RNF216: variants seen among roughly 807,000 people sequenced by gnomAD.
RNF216 encodes the protein E3 ubiquitin-protein ligase RNF216.
In RNF216, 72 loss-of-function variants were observed where a neutral mutation model predicts 110.8. The observed-to-expected ratio is 0.65, with a 90% CI of 0.54 to 0.79. RNF216 has a LOEUF of 0.79. RNF216 is among the 30% of genes least tolerant of loss of function. The pLI is 0.00. For synonymous variants in RNF216, 495 were observed against 407.5 expected (o/e 1.21, Z -2.59); for missense variants, 1,342 against 1,141.2 (o/e 1.18, Z -2.54).
intron 14 of RNF216, among the ~76,000 whole-genome samples, chr7:5,644,245 T>C (rs370240192): frequency 3.9e-5 from 6 of 152,188 alleles, no homozygotes; most frequent in South Asian, 2.1e-4. Flanking sequence ...GTTTAACTTA[T>C]TGGGGAAAGC....
At chr7:5,709,693 T>C (rs990608177) in intron 13 of RNF216, among the ~76,000 whole-genome samples, 1 of 152,198 alleles carries the variant, frequency 6.6e-6, no homozygotes, top group African/African-American at 2.4e-5. Context: ...CCCACCAACA[T>C]GCCAAGTTGA....
At position 5,702,886 on chromosome 7, in the gene RNF216, T is replaced by C. The variant is rs190874001; in HGVS notation, c.2061+8875A>G. Among the ~76,000 whole-genome samples the C allele has an allele frequency of 2.6e-5, 4 of 152,340 alleles. No homozygotes were observed. The East Asian group carries it at 5.8e-4, about 22-fold the overall frequency. ...ATGGTGTCTGCGACCCACTCAGCTC[T>C]GCCATTTACCATCACCTGACTTTAA... On this transcript the variant is annotated intron_variant, in intron 13 of 16. Transcript: ENST00000389902.
At chr7:5,706,808 CT>C (rs1792320001) in intron 13 of RNF216, among the ~76,000 whole-genome samples, 1 of 152,116 alleles carries the variant, frequency 6.6e-6, no homozygotes, top group Non-Finnish European at 1.5e-5. Context: ...CTTTTGTCAC[CT>C]TGTTTTTGGT....
intron 13 of RNF216, among the ~76,000 whole-genome samples, chr7:5,657,592 TG>T (rs2128581771): frequency 6.6e-6 from 1 of 151,264 alleles, no homozygotes; most frequent in African/African-American, 2.4e-5. Flanking sequence ...TAAAATAAAA[TG>T]GTGAGACTAT....
At chr7:5,758,951 C>T (rs556559838) in intron 2 of RNF216, among the ~76,000 whole-genome samples, 6 of 152,252 alleles carry the variant, frequency 3.9e-5, no homozygotes, top group African/African-American at 1.4e-4. Context: ...ATCTGTGTCC[C>T]TGCCCAAATT....
At chr7:5,698,414 C>T (rs1159897271) in intron 13 of RNF216, among the ~76,000 whole-genome samples, 2 of 147,252 alleles carry the variant, frequency 1.4e-5, no homozygotes, top group Admixed American at 1.3e-4. Context: ...CACACACACA[C>T]ATACACACAC....
At chr7:5,730,151 A>ATTACCCATTACC (rs1794004197) in intron 6 of RNF216, among the ~76,000 whole-genome samples, 1 of 152,250 alleles carries the variant, frequency 6.6e-6, no homozygotes, top group Non-Finnish European at 1.5e-5. Flanking sequence ...CACTCTGGGT[A>ATTACCCATTACC]ATGACCTGCA....
At chr7:5,691,147 G>A (rs536947715) in intron 13 of RNF216, among the ~76,000 whole-genome samples, 1 of 151,956 alleles carries the variant, frequency 6.6e-6, no homozygotes, top group African/African-American at 2.4e-5. Context: ...GTGTGTAGAC[G>A]GTGAGCCTGG....
At chr7:5,672,093 G>C (rs1789958023) in intron 13 of RNF216, among the ~76,000 whole-genome samples, 1 of 152,246 alleles carries the variant, frequency 6.6e-6, no homozygotes, top group African/African-American at 2.4e-5. Context: ...GATCAGAGAA[G>C]TTCCCGCCCC....
Position 5,731,358 on chromosome 7 carries a change from G to GA in RNF216, c.1122-542_1122-541insT, listed in dbSNP as rs1794079046. On this transcript the variant is annotated intron_variant, in intron 5 of 16. Coordinates refer to ENST00000389902, the MANE Select transcript of RNF216 (RefSeq NM_207111.4). ...TCTATGAGCCATTGAGTTACACGTGGTTTATTTAGCTAGCTGCCAAGCTAG... is the reference window on the plus strand; with the variant it reads ...TCTATGAGCCATTGAGTTACACGTGGATTTATTTAGCTAGCTGCCAAGCTAG... 1.1e-3 allele frequency among the ~76,000 whole-genome samples: 164 copies of GA among 152,028 alleles called. 2 individuals are homozygous for GA. Among genetic ancestry groups the GA allele is most frequent in the African/African-American group, 3.8e-3 (155 of 41,270 alleles).
chr7:5,641,855 T>C (rs1454785231), intron 14 of RNF216, among the ~76,000 whole-genome samples: 2 of 151,472 alleles, frequency 1.3e-5, no homozygotes, highest in East Asian at 3.9e-4. Context: ...ACCAACATGG[T>C]GAAACTGTCT....
chr7:5,704,614 A>G (rs1271590315), intron 13 of RNF216, among the ~76,000 whole-genome samples: 1 of 152,196 alleles, frequency 6.6e-6, no homozygotes, highest in Non-Finnish European at 1.5e-5. Flanking sequence ...CAAACACCCA[A>G]GAGGAAGAAA....
Position 5,725,317 on chromosome 7 carries a change from G to A in RNF216, c.1504+7C>T, listed in dbSNP as rs377133944. The A allele has an allele frequency of 3.4e-5, 51 of 1,498,402 alleles. No homozygotes were observed. The African/African-American group carries it at 6.8e-4, about 20-fold the overall frequency. 92.8% of individuals were successfully genotyped at this position (1,498,402 alleles called of 1,614,324 possible). On this transcript the variant is annotated splice_region_variant and intron_variant, in intron 8 of 16. Coordinates refer to ENST00000389902, the MANE Select transcript of RNF216 (RefSeq NM_207111.4). ...CTACACACTGCCACCAACACAGTTT[G>A]CATTACCTTGTTCAAACTTGAAATC...
intron 1 of RNF216, among the ~76,000 whole-genome samples, chr7:5,762,124 T>C (rs1190497234): frequency 6.6e-6 from 1 of 152,192 alleles, no homozygotes; most frequent in Admixed American, 6.5e-5. Context: ...ATAAAATTCA[T>C]ATGATACAAC....
intron 15 of RNF216, among the ~76,000 whole-genome samples, chr7:5,625,567 G>C (rs1218242874): frequency 6.6e-6 from 1 of 152,310 alleles, no homozygotes; most frequent in African/African-American, 2.4e-5. Flanking sequence ...TACTTACTAG[G>C]TTATTAATGT....
chr7:5,753,035 C>CT lies in RNF216; in HGVS notation c.68-57dup, dbSNP rs544170066. 3.2e-6 allele frequency: 5 copies of CT among 1,554,800 alleles called. No homozygotes were observed. In the African/African-American group the frequency reaches 4.1e-5, roughly 13 times the overall value. The stretch of plus-strand genomic sequence containing the variant: ...GAGGTTGGCACTATCACATCCAACT[C>CT]TTTAAGTTTTTCCTGACAGGGGTAC... On this transcript the variant is annotated intron_variant, in intron 2 of 16. Coordinates refer to ENST00000389902, the MANE Select transcript of RNF216 (RefSeq NM_207111.4).
intron 13 of RNF216, among the ~76,000 whole-genome samples, chr7:5,675,043 T>C (rs116477475): frequency 0.014 from 2,160 of 152,172 alleles, 60 homozygotes; most frequent in African/African-American, 0.049. Context: ...CAAATGTCGG[T>C]ACAGAATGGC....
chr7:5,708,772 A>T (rs1348840184), intron 13 of RNF216, among the ~76,000 whole-genome samples: 1 of 152,116 alleles, frequency 6.6e-6, no homozygotes, highest in Non-Finnish European at 1.5e-5. Flanking sequence ...GCTCCAAGGC[A>T]TCTAGAGTAG....
chr7:5,773,251 T>C (rs1562482583), intron 1 of RNF216, among the ~76,000 whole-genome samples: 1 of 152,074 alleles, frequency 6.6e-6, no homozygotes, highest in Non-Finnish European at 1.5e-5. Flanking sequence ...ATAAGATTTT[T>C]TTTTTTTTTG....
Sources: gnomAD v4.1 joint callset for allele counts (sites outside exome capture counted in the v4.1 genomes callset) on GRCh38, gnomAD v4.1.1 for gene constraint, MANE v1.5 for transcripts, NCBI Gene and HGNC (gene_info 2026-07-23, HGNC 2026-07-21) for gene names.